PDE4B: variants seen among roughly 807,000 people sequenced by gnomAD.
The protein encoded by PDE4B is phosphodiesterase 4B, also known as 3',5'-cyclic-AMP phosphodiesterase 4B.
PDE4B carries 20 observed loss-of-function variants against 82.2 expected under a neutral mutation model. That is an observed-to-expected ratio of 0.24 (90% confidence interval 0.17 to 0.35). The LOEUF (loss-of-function observed/expected upper bound fraction) is 0.35, where lower values mean the gene tolerates loss of function less well. Ranked by LOEUF, PDE4B falls within the 10% of genes least tolerant of loss-of-function variation. PDE4B has a pLI of 1.00. For synonymous variants in PDE4B, 320 were observed against 318.9 expected (o/e 1.00, Z -0.04); for missense variants, 655 against 907.2 (o/e 0.72, Z 3.57).
intron 3 of PDE4B, among the ~76,000 whole-genome samples, chr1:66,083,995 A>G (rs1656875156): frequency 6.6e-6 from 1 of 152,186 alleles, no homozygotes; most frequent in Admixed American, 6.6e-5. Flanking sequence ...AAGTGTATAC[A>G]TAATACACGC....
intron 3 of PDE4B, among the ~76,000 whole-genome samples, chr1:66,166,225 C>T (rs956277421): frequency 6.6e-6 from 1 of 152,122 alleles, no homozygotes; most frequent in South Asian, 2.1e-4. Flanking sequence ...TAATTTACTC[C>T]ATGTACAAAA....
chr1:66,282,057 C>T (rs1656338364), intron 7 of PDE4B, among the ~76,000 whole-genome samples: 1 of 152,194 alleles, frequency 6.6e-6, no homozygotes, highest in Admixed American at 6.5e-5. Flanking sequence ...ACACAGGTAC[C>T]TGCGTTGAAG....
intron 3 of PDE4B, among the ~76,000 whole-genome samples, chr1:66,023,713 G>A (rs1324119028): frequency 6.6e-6 from 1 of 152,062 alleles, no homozygotes; most frequent in African/African-American, 2.4e-5. Context: ...AAAGAACCAT[G>A]AAAGCAGAAA....
intron 1 of PDE4B, among the ~76,000 whole-genome samples, chr1:65,889,225 T>G (rs1045179624): frequency 3.3e-5 from 5 of 152,310 alleles, no homozygotes; most frequent in Admixed American, 2.0e-4. Flanking sequence ...TCTTTTATGA[T>G]GTATCACATT....
At chr1:65,993,320 C>A (rs1569910421) in intron 3 of PDE4B, among the ~76,000 whole-genome samples, 1 of 152,152 alleles carries the variant, frequency 6.6e-6, no homozygotes, top group East Asian at 1.9e-4. Flanking sequence ...GCTAAATTGT[C>A]ATTGTGCTAC....
Position 65,795,736 on chromosome 1 carries a change from G to T in PDE4B, c.-71+2488G>T, listed in dbSNP as rs763693800. On this transcript the variant is annotated intron_variant, in intron 1 of 16. Coordinates refer to ENST00000341517, the MANE Select transcript of PDE4B (RefSeq NM_002600.4). The stretch of plus-strand genomic sequence containing the variant: ...CTTTCTAGCTCTGGAGCTCCCTGAG[G>T]GCTTGCATTGCAGCTCTACTTCTCT... 2.6e-5 allele frequency among the ~76,000 whole-genome samples: 4 copies of T among 152,166 alleles called. No individual in the cohort carries two copies. The East Asian group carries it at 7.7e-4, about 29-fold the overall frequency.
At chr1:66,329,027 C>T (rs750037597) in intron 7 of PDE4B, among the ~76,000 whole-genome samples, 8 of 152,168 alleles carry the variant, frequency 5.3e-5, no homozygotes, top group Non-Finnish European at 8.8e-5. Context: ...ATACCTAATT[C>T]GACTTCCCCA....
At chr1:65,949,997 T>C (rs1275442020) in intron 3 of PDE4B, among the ~76,000 whole-genome samples, 1 of 152,040 alleles carries the variant, frequency 6.6e-6, no homozygotes, top group East Asian at 1.9e-4. Flanking sequence ...TAACAATTAA[T>C]TTTGTTTTCT....
At chr1:66,089,746 A>G (rs1483169651) in intron 3 of PDE4B, among the ~76,000 whole-genome samples, 2 of 152,060 alleles carry the variant, frequency 1.3e-5, no homozygotes, top group Non-Finnish European at 2.9e-5. Context: ...TTTTGTCTCA[A>G]ACAGCTGATT....
intron 3 of PDE4B, among the ~76,000 whole-genome samples, chr1:65,953,782 C>A (rs1649120525): frequency 6.6e-6 from 1 of 151,874 alleles, no homozygotes; most frequent in African/African-American, 2.4e-5. Flanking sequence ...TGAAAGTTGG[C>A]AAAATATCAA....
chr1:65,891,810 G>A (rs994235068), intron 1 of PDE4B, among the ~76,000 whole-genome samples: 2 of 151,968 alleles, frequency 1.3e-5, no homozygotes, highest in Admixed American at 6.6e-5. Context: ...TGAATGATTA[G>A]TATTAAAAAG....
At chr1:65,843,453 T>C (rs1646232189) in intron 1 of PDE4B, among the ~76,000 whole-genome samples, 1 of 152,170 alleles carries the variant, frequency 6.6e-6, no homozygotes, top group South Asian at 2.1e-4. Flanking sequence ...CCAAATGCCA[T>C]GGGTGGTTAT....
intron 6 of PDE4B, among the ~76,000 whole-genome samples, chr1:66,261,866 T>G (rs937054774): frequency 3.9e-5 from 6 of 152,210 alleles, no homozygotes; most frequent in Non-Finnish European, 7.3e-5. Context: ...CAGATAAGCG[T>G]TCTTAAAGCA....
intron 3 of PDE4B, chr1:65,992,900 A>C (rs780843915): frequency 6.2e-7 from 1 of 1,613,096 alleles, no homozygotes; most frequent in Non-Finnish European, 8.5e-7. Context: ...AGCACTCCTT[A>C]CAAGACATGA....
At position 66,192,093 on chromosome 1, in the gene PDE4B, C is replaced by A. The variant is rs1570436940; in HGVS notation, c.282-55367C>A. ...TAAAATGAACTTCTTACATTGATAA[C>A]TATCCCTGATGTACTAAAAAAGGCT... On this transcript the variant is annotated intron_variant, in intron 3 of 16. Transcript: ENST00000341517. Among the ~76,000 whole-genome samples the A allele has an allele frequency of 2.0e-5, 3 of 152,238 alleles. No homozygotes were observed. In the South Asian group the frequency reaches 6.2e-4, roughly 32 times the overall value.
intron 3 of PDE4B, among the ~76,000 whole-genome samples, chr1:65,959,436 G>A (rs980204356): frequency 2.6e-5 from 4 of 152,124 alleles, no homozygotes; most frequent in Non-Finnish European, 5.9e-5. Context: ...CAAAGTCCAT[G>A]AGCTTCCTGT....
intron 7 of PDE4B, among the ~76,000 whole-genome samples, chr1:66,279,990 C>A (rs1005146191): frequency 4.0e-4 from 61 of 152,268 alleles, no homozygotes; most frequent in African/African-American, 1.4e-3. Flanking sequence ...TATAGACTAG[C>A]CAAGTCAGCA....
intron 3 of PDE4B, among the ~76,000 whole-genome samples, chr1:66,078,063 G>C (rs1323978809): frequency 6.6e-6 from 1 of 152,076 alleles, no homozygotes; most frequent in East Asian, 1.9e-4. Flanking sequence ...TTGGTTCTTT[G>C]TATTATAACC....
chr1:65,916,296 T>C (rs1647158696), intron 2 of PDE4B, among the ~76,000 whole-genome samples: 1 of 152,144 alleles, frequency 6.6e-6, no homozygotes, highest in Non-Finnish European at 1.5e-5. Flanking sequence ...TGCAAATTAG[T>C]GTGGGAAATA....
Sources: allele counts gnomAD v4.1 joint callset (sites outside exome capture counted in the v4.1 genomes callset), GRCh38; gene constraint gnomAD v4.1.1; transcripts MANE v1.5; gene names NCBI Gene and HGNC (gene_info 2026-07-23, HGNC 2026-07-21).